Variants in DNMT3B observed in about 807,000 individuals in gnomAD.
DNMT3B encodes the protein DNA (cytosine-5)-methyltransferase 3B.
Under a neutral mutation model 120.2 loss-of-function variants are expected in DNMT3B, and 37 were observed. The ratio of observed to expected loss-of-function variants is 0.31; its 90% CI spans 0.24 to 0.40. The LOEUF (loss-of-function observed/expected upper bound fraction) is 0.40, where lower values mean the gene tolerates loss of function less well. DNMT3B is among the 10% of genes least tolerant of loss of function. DNMT3B has a pLI of 1.00. For missense variants in DNMT3B, 878 were observed against 1,137.3 expected (o/e 0.77, Z 3.28); for synonymous variants, 412 against 442.8 (o/e 0.93, Z 0.87).
chr20:32,781,535 G>A (rs1009865663), intron 3 of DNMT3B, 121 bp downstream of exon 3: 4 of 1,015,836 alleles, frequency 3.9e-6, no homozygotes, highest in Non-Finnish European at 6.2e-6. Flanking sequence ...TGCCGAGCTA[G>A]ATGCTTTCTG....
At position 32,798,529 on chromosome 20, in the gene DNMT3B, G is replaced by A. The variant is rs1457661110; in HGVS notation, c.1560G>A (p.Glu520=). ...CAGCGGCCGAGGCCAAGCTTCAGGA[G>A]CCCTGGAGCTGTTACATGTGTCTCC... ...TGTAAEAKLQ[E]PWSCYMCLPQ... is the part of the protein sequence containing the mutation. Residue 520 remains glutamate, a synonymous_variant, in exon 15 of 23, where the codon GAG becomes GAA. Coordinates refer to ENST00000328111, the MANE Select transcript of DNMT3B (RefSeq NM_006892.4). 1.9e-6 allele frequency: 3 copies of A among 1,614,208 alleles called. No homozygotes were observed. In the South Asian group the frequency reaches 3.3e-5, roughly 18 times the overall value.
At chr20:32,763,275 G>A (rs572382914) in intron 1 of DNMT3B, among the ~76,000 whole-genome samples, 14 of 152,328 alleles carry the variant, frequency 9.2e-5, no homozygotes, top group African/African-American at 3.1e-4. Context: ...CGTGAGTGTG[G>A]GCTTAGACTC....
rs919539651 is a variant in DNMT3B, at chr20:32,796,812, G to A, written c.1320G>A (p.Arg440=). The change falls in exon 13 of 23, where the codon AGG becomes AGA. Residue 440 remains arginine, a synonymous_variant. Coordinates refer to ENST00000328111, the MANE Select transcript of DNMT3B (RefSeq NM_006892.4). ...CAGATGGCTGTTTGTCTTGTGGCAGGAAAAACCCCGTGTCCTTCCACCCTC... is the reference window on the plus strand; with the variant it reads ...CAGATGGCTGTTTGTCTTGTGGCAGAAAAAACCCCGTGTCCTTCCACCCTC... ...SLEDGCLSCG[R]KNPVSFHPLF... 3 of 1,614,088 alleles carry A rather than the reference G, an allele frequency of 1.9e-6. No homozygotes were observed. The highest frequency in any genetic ancestry group is 3.3e-5 in the Admixed American group (2 of 60,000).
intron 1 of DNMT3B, among the ~76,000 whole-genome samples, chr20:32,769,179 G>C (rs1987565870): frequency 6.6e-6 from 1 of 151,974 alleles, no homozygotes; most frequent in Admixed American, 6.6e-5. Context: ...CTGCCTTCCG[G>C]GTTCACGCCA....
At chr20:32,771,565 T>G (rs1601052104) in intron 1 of DNMT3B, among the ~76,000 whole-genome samples, 1 of 131,466 alleles carries the variant, frequency 7.6e-6, no homozygotes, top group Admixed American at 8.9e-5. Context: ...ACCCAGGAGG[T>G]GGAGGGGTTA....
rs138069958 is a variant in DNMT3B, at chr20:32,783,728, T to G, written c.205-1030T>G. Reference sequence around the variant, plus strand: ...TCTTGCCCACACGTTTCTTTTTGTTTGTTTGTTTTGTTTTGAGACAGAGTC... The same window carrying G: ...TCTTGCCCACACGTTTCTTTTTGTTGGTTTGTTTTGTTTTGAGACAGAGTC... On this transcript the variant is annotated intron_variant, in intron 3 of 22. Transcript: ENST00000328111. 5.8e-4 allele frequency among the ~76,000 whole-genome samples: 88 copies of G among 152,160 alleles called. 2 individuals are homozygous for G. In the East Asian group the frequency reaches 0.014, roughly 25 times the overall value.
chr20:32,777,595 A>G (rs1988131466), intron 1 of DNMT3B, among the ~76,000 whole-genome samples: 1 of 152,126 alleles, frequency 6.6e-6, no homozygotes, highest in Admixed American at 6.5e-5. Context: ...CACTTTGGGG[A>G]GGTGGACCCT....
chr20:32,803,538 C>T (rs932972872), intron 20 of DNMT3B, among the ~76,000 whole-genome samples: 1 of 152,206 alleles, frequency 6.6e-6, no homozygotes, highest in African/African-American at 2.4e-5. Flanking sequence ...GGCACTGTTA[C>T]GCTGTTGCCA....
At chr20:32,777,456 C>G (rs537717589) in intron 1 of DNMT3B, among the ~76,000 whole-genome samples, 4 of 152,092 alleles carry the variant, frequency 2.6e-5, no homozygotes, top group Non-Finnish European at 5.9e-5. Context: ...ATGTTGCCTG[C>G]GAAACCCAGC....
chr20:32,802,418 T>G lies in DNMT3B; in HGVS notation c.2179T>G (p.Ser727Ala). 1 of 1,614,238 alleles carries G rather than the reference T, an allele frequency of 6.2e-7. No individual in the cohort carries two copies. The highest frequency in any genetic ancestry group is 8.5e-7 in the Non-Finnish European group (1 of 1,180,044). The change falls in exon 20 of 23, where the codon TCT becomes GCT. Residue 727 changes from serine (S) to alanine (A), a missense_variant. Coordinates refer to ENST00000328111, the MANE Select transcript of DNMT3B (RefSeq NM_006892.4). ...AGTGATGATTGATGCCATCAAAGTT[T>G]CTGCTGCTCACAGGGCCCGATACTT... is the stretch of plus-strand genomic sequence containing the variant. ...NPVMIDAIKV[S>A]AAHRARYFWG... is the part of the protein sequence containing the mutation.
intron 20 of DNMT3B, among the ~76,000 whole-genome samples, chr20:32,803,681 G>T (rs1017612621): frequency 3.9e-5 from 6 of 152,188 alleles, no homozygotes; most frequent in African/African-American, 9.7e-5. Context: ...TTCTAGCGAA[G>T]GTCCTAAGTG....
At chr20:32,802,561 C>A in intron 20 of DNMT3B, 91 bp downstream of exon 20, 2 of 1,313,688 alleles carry the variant, frequency 1.5e-6, no homozygotes, top group Non-Finnish European at 2.2e-6. Context: ...AAAGACCTGG[C>A]TCTGCTGAGA....
At chr20:32,763,488 G>A (rs917271840) in intron 1 of DNMT3B, among the ~76,000 whole-genome samples, 9 of 152,198 alleles carry the variant, frequency 5.9e-5, no homozygotes, top group African/African-American at 1.9e-4. Context: ...TCCATTCTTA[G>A]CCTAACTCCC....
chr20:32,792,997 T>C (rs1025085599), intron 9 of DNMT3B, among the ~76,000 whole-genome samples: 3 of 152,258 alleles, frequency 2.0e-5, no homozygotes, highest in Non-Finnish European at 4.4e-5. Context: ...TTGTATTGAA[T>C]CTGACATCTG....
chr20:32,763,328 G>A (rs1274211314), intron 1 of DNMT3B, among the ~76,000 whole-genome samples: 1 of 152,148 alleles, frequency 6.6e-6, no homozygotes, highest in Non-Finnish European at 1.5e-5. Context: ...GAGGCAGAGG[G>A]CGACCTCCCG....
At position 32,768,305 on chromosome 20, in the gene DNMT3B, G is replaced by T. The variant is rs1314673170; in HGVS notation, c.-7+5606G>T. On this transcript the variant is annotated intron_variant, in intron 1 of 22. Coordinates refer to ENST00000328111, the MANE Select transcript of DNMT3B (RefSeq NM_006892.4). The stretch of plus-strand genomic sequence containing the variant: ...CCGCTTCCCGGGTTCAAGCAATTCT[G>T]ACTCAGCCTCCCGAGTAGCTGGGAT... Among the ~76,000 whole-genome samples the T allele has an allele frequency of 8.7e-4, 109 of 125,850 alleles. No homozygotes were observed. In the East Asian group the frequency reaches 0.024, roughly 28 times the overall value. The allele number at this position is 125,850 out of a possible 152,430, so 82.6% of individuals were successfully genotyped here. A position where few individuals can be genotyped will look rare whatever the true frequency, so the allele number is the denominator to read the frequency against.
intron 14 of DNMT3B, among the ~76,000 whole-genome samples, chr20:32,797,593 A>G (rs6119966): frequency 0.012 from 1,769 of 152,122 alleles, 35 homozygotes; most frequent in African/African-American, 0.041. Context: ...TCCTGTGCTC[A>G]AGCAATCCTC....
In DNMT3B at chr20:32,801,326, C is replaced by CA. The variant is rs1981313299; in HGVS notation, c.2046dup (p.Arg683ThrfsTer6). On this transcript the variant is annotated frameshift_variant, in exon 19 of 23. Transcript: ENST00000328111. LOFTEE classifies it high-confidence loss of function. ...GAATTTTACCACCTGCTGAATTACTCACGCCCCAAGGAGGGTGATGACCGG... is the reference window on the plus strand; with the variant it reads ...GAATTTTACCACCTGCTGAATTACTCAACGCCCCAAGGAGGGTGATGACCGG... 6.2e-7 allele frequency: 1 copy of CA among 1,614,054 alleles called. No individual in the cohort carries two copies. The highest frequency in any genetic ancestry group is 8.5e-7 in the Non-Finnish European group (1 of 1,180,048).
In DNMT3B at chr20:32,780,359, G is replaced by A. The variant is rs1978449115; in HGVS notation, c.36G>A (p.Glu12=). 1.2e-6 allele frequency: 2 copies of A among 1,614,038 alleles called. No individual in the cohort carries two copies. The highest frequency in any genetic ancestry group is 1.7e-6 in the Non-Finnish European group (2 of 1,180,014). ...ACACCAGGCATCTCAATGGAGAGGA[G>A]GACGCCGGCGGGAGGGAAGACTCGA... ...KGDTRHLNGE[E]DAGGREDSIL... is the part of the protein sequence containing the mutation. Residue 12 remains glutamate (E), a synonymous_variant, in exon 2 of 23, where the codon GAG becomes GAA. Transcript: ENST00000328111.
Sources: allele counts gnomAD v4.1 joint callset (sites outside exome capture counted in the v4.1 genomes callset), GRCh38; gene constraint gnomAD v4.1.1; transcripts MANE v1.5; gene names NCBI Gene and HGNC (gene_info 2026-07-23, HGNC 2026-07-21).